The following EFCAB14 variants were observed in gnomAD, a reference collection of about 807,000 sequenced individuals.
The protein encoded by EFCAB14 is EF-hand calcium-binding domain-containing protein 14.
In EFCAB14, 43 loss-of-function variants were observed where a neutral mutation model predicts 56.5. The ratio of observed to expected loss-of-function variants is 0.76; its 90% CI spans 0.60 to 0.98. The LOEUF (loss-of-function observed/expected upper bound fraction) is 0.98. Among genes scored for constraint, EFCAB14 ranks in the 50% least tolerant of loss-of-function variants. The pLI, the probability that EFCAB14 is intolerant of heterozygous loss-of-function variation, is 0.00. For missense variants in EFCAB14, 538 were observed against 580.3 expected (o/e 0.93, Z 0.75); for synonymous variants, 235 against 212.9 (o/e 1.10, Z -0.90).
At chr1:46,699,078 C>G (rs556409658) in intron 3 of EFCAB14, among the ~76,000 whole-genome samples, 1 of 152,112 alleles carries the variant, frequency 6.6e-6, no homozygotes, top group Non-Finnish European at 1.5e-5. Flanking sequence ...ACTCTTAGGT[C>G]TCTCACCTCA....
chr1:46,716,603 A>G (rs41285912), intron 1 of EFCAB14, among the ~76,000 whole-genome samples, 160 bp from the exon 2 acceptor site: 3,573 of 152,332 alleles, frequency 0.023, 83 homozygotes, highest in Middle Eastern at 0.068. Flanking sequence ...AATAAATAAT[A>G]TGACCTATTA....
intron 2 of EFCAB14, among the ~76,000 whole-genome samples, chr1:46,709,959 G>C (rs1271811761): frequency 6.6e-6 from 1 of 152,132 alleles, no homozygotes; most frequent in Non-Finnish European, 1.5e-5. Context: ...CCGCACTCCA[G>C]CCTGTGCGGC....
chr1:46,708,945 C>CTTT (rs539417579), intron 2 of EFCAB14, among the ~76,000 whole-genome samples: 10,009 of 145,988 alleles, frequency 0.069, 996 homozygotes, highest in East Asian at 0.39. Flanking sequence ...AACCTACATC[C>CTTT]TTTTTTTTTT....
chr1:46,683,176 T>C (rs1676822220), intron 10 of EFCAB14, 124 bp downstream of exon 10: 4 of 1,110,394 alleles, frequency 3.6e-6, no homozygotes, highest in Non-Finnish European at 3.9e-6. Flanking sequence ...GCATATAAAG[T>C]ATCTGGCACT....
Position 46,684,555 on chromosome 1 carries a change from G to C in EFCAB14, c.1122C>G (p.Leu374=), listed in dbSNP as rs1410362796. ...TGTTTGTAAGAGCACTGATCAGCTG[G>C]AGTTTCTCTCTTAGCTTGGATACCT... ...NSQVSKLREK[L]QLISALTNKP... Residue 374 remains leucine, a synonymous_variant, in exon 9 of 11, where the codon CTC becomes CTG. Coordinates refer to ENST00000371933, the MANE Select transcript of EFCAB14 (RefSeq NM_014774.3). 6.2e-7 allele frequency: 1 copy of C among 1,613,982 alleles called. No homozygotes were observed. The highest frequency in any genetic ancestry group is 1.7e-5 in the Admixed American group (1 of 59,986).
At chr1:46,701,359 A>T (rs1358465028) in intron 3 of EFCAB14, among the ~76,000 whole-genome samples, 2 of 150,096 alleles carry the variant, frequency 1.3e-5, no homozygotes, top group African/African-American at 5.0e-5. Context: ...GATCAGTTTG[A>T]AGGGCAAGAC....
chr1:46,686,959 G>A (rs1463773899), intron 7 of EFCAB14, 89 bp from the exon 8 acceptor site: 20 of 1,221,964 alleles, frequency 1.6e-5, no homozygotes, highest in Non-Finnish European at 2.2e-5. Flanking sequence ...AAACAAATTC[G>A]TCAAACTTAT....
intron 2 of EFCAB14, among the ~76,000 whole-genome samples, chr1:46,711,101 G>A (rs748791606): frequency 1.7e-4 from 26 of 152,278 alleles, no homozygotes; most frequent in Admixed American, 3.9e-4. Flanking sequence ...TAATAAACAT[G>A]GGGGTGTGGA....
chr1:46,711,774 T>A (rs1442331860), intron 2 of EFCAB14, among the ~76,000 whole-genome samples: 1 of 152,204 alleles, frequency 6.6e-6, no homozygotes, highest in Non-Finnish European at 1.5e-5. Flanking sequence ...AGTAAACATA[T>A]TGCTGACAGC....
At position 46,677,721 on chromosome 1, in the gene EFCAB14, T is replaced by C. The variant is rs546008045; in HGVS notation, c.*740A>G. On this transcript the variant is annotated 3_prime_UTR_variant, in exon 11 of 11. Transcript: ENST00000371933. ...CCCCAAGACTTCTCTGATTCCCAGGTTGGGATTAGCTGAGGGAATAGGAAC... is the reference window on the plus strand; with the variant it reads ...CCCCAAGACTTCTCTGATTCCCAGGCTGGGATTAGCTGAGGGAATAGGAAC... The C allele has an allele frequency of 6.6e-6, 1 of 152,252 alleles. No individual in the cohort carries two copies. Among genetic ancestry groups the C allele is most frequent in the South Asian group, 2.1e-4 (1 of 4,814 alleles). The allele number at this position is 152,252 out of a possible 1,614,324, so 9.4% of individuals were successfully genotyped here. A position where few individuals can be genotyped will look rare whatever the true frequency, so the allele number is the denominator to read the frequency against.
At chr1:46,686,572 TC>T (rs1196754765) in intron 8 of EFCAB14, 7 of 558,362 alleles carry the variant, frequency 1.3e-5, no homozygotes, top group South Asian at 4.1e-5. Context: ...CTCACTATGG[TC>T]CCCCCAGCTC....
chr1:46,714,764 C>G (rs1254420714), intron 2 of EFCAB14, among the ~76,000 whole-genome samples: 1 of 149,836 alleles, frequency 6.7e-6, no homozygotes, highest in East Asian at 2.0e-4. Context: ...TGCCACTGCA[C>G]TCCAGCTTGG....
At chr1:46,685,042 C>T (rs1430336960) in intron 8 of EFCAB14, 1 of 153,556 alleles carries the variant, frequency 6.5e-6, no homozygotes, top group Non-Finnish European at 1.4e-5. Flanking sequence ...ATTTCATGCT[C>T]TTACCACCTT....
At position 46,684,570 on chromosome 1, in the gene EFCAB14, C is replaced by T. The variant is rs764563884; in HGVS notation, c.1107G>A (p.Lys369=). The T allele has an allele frequency of 6.2e-7, 1 of 1,614,064 alleles. No homozygotes were observed. The highest frequency in any genetic ancestry group is 8.5e-7 in the Non-Finnish European group (1 of 1,179,972). Residue 369 remains lysine, a synonymous_variant, in exon 9 of 11, where the codon AAG becomes AAA. Coordinates refer to ENST00000371933, the MANE Select transcript of EFCAB14 (RefSeq NM_014774.3). ...KEDSSNSQVS[K]LREKLQLISA... ...TGATCAGCTGGAGTTTCTCTCTTAGCTTGGATACCTGAGAATTTGAACTAT... is the reference window on the plus strand; with the variant it reads ...TGATCAGCTGGAGTTTCTCTCTTAGTTTGGATACCTGAGAATTTGAACTAT...
intron 3 of EFCAB14, among the ~76,000 whole-genome samples, chr1:46,700,977 G>A (rs1427927904): frequency 9.9e-6 from 1 of 100,710 alleles, no homozygotes; most frequent in African/African-American, 3.7e-5. Context: ...GAGAGAGAGA[G>A]AGTGAGTGAG....
chr1:46,676,539 G>A lies in EFCAB14; in HGVS notation c.*1922C>T, dbSNP rs1241861182. On this transcript the variant is annotated 3_prime_UTR_variant, in exon 11 of 11. Coordinates refer to ENST00000371933, the MANE Select transcript of EFCAB14 (RefSeq NM_014774.3). ...TCCAGGTACAGACATACTATTTATG[G>A]TACAGTATATACAAATATAGCAGTA... 1.3e-5 allele frequency: 2 copies of A among 152,468 alleles called. No individual in the cohort carries two copies. Among genetic ancestry groups the A allele is most frequent in the Non-Finnish European group, 2.9e-5 (2 of 68,016 alleles). The allele number at this position is 152,468 out of a possible 1,614,324, so 9.4% of individuals were successfully genotyped here.
chr1:46,698,166 A>G (rs1049926064), intron 3 of EFCAB14, among the ~76,000 whole-genome samples: 1 of 152,146 alleles, frequency 6.6e-6, no homozygotes, highest in African/African-American at 2.4e-5. Flanking sequence ...CAAAGAATTT[A>G]ATTTAAACAA....
chr1:46,714,600 T>A (rs1044217786), intron 2 of EFCAB14, among the ~76,000 whole-genome samples: 1 of 152,134 alleles, frequency 6.6e-6, no homozygotes, highest in African/African-American at 2.4e-5. Flanking sequence ...GAGACCAGTC[T>A]GGGCAACATA....
chr1:46,718,349 T>C lies in EFCAB14; in HGVS notation c.-262A>G. 1 of 407,868 alleles carries C rather than the reference T, an allele frequency of 2.5e-6. No individual in the cohort carries two copies. Among genetic ancestry groups the C allele is most frequent in the Non-Finnish European group, 4.5e-6 (1 of 222,214 alleles). 25.3% of individuals were successfully genotyped at this position (407,868 alleles called of 1,614,324 possible). ...CTGGTGACCCCAAAGGATAAGGCCTTGGGTGCAGAGTGTTAGTAGAGGGTG... is the reference window on the plus strand; with the variant it reads ...CTGGTGACCCCAAAGGATAAGGCCTCGGGTGCAGAGTGTTAGTAGAGGGTG... On this transcript the variant is annotated 5_prime_UTR_variant, in exon 1 of 11. Coordinates refer to ENST00000371933, the MANE Select transcript of EFCAB14 (RefSeq NM_014774.3).
Sources: allele counts gnomAD v4.1 joint callset (sites outside exome capture counted in the v4.1 genomes callset), GRCh38; gene constraint gnomAD v4.1.1; transcripts MANE v1.5; gene names NCBI Gene and HGNC (gene_info 2026-07-23, HGNC 2026-07-21).